NRBP2: variants seen among roughly 807,000 people sequenced by gnomAD.
The protein encoded by NRBP2 is nuclear receptor binding protein 2, also known as nuclear receptor-binding protein 2.
Under a neutral mutation model 74.4 loss-of-function variants are expected in NRBP2, and 47 were observed. That is an observed-to-expected ratio of 0.63 (90% CI 0.50 to 0.81). The LOEUF is 0.81. Among genes scored for constraint, NRBP2 ranks in the 30% least tolerant of loss-of-function variants. NRBP2 has a pLI of 0.00. For missense variants in NRBP2, 613 were observed against 690.1 expected, an observed-to-expected ratio of 0.89 and a Z score of 1.25; for synonymous variants, 312 against 273.8, an observed-to-expected ratio of 1.14 and a Z score of -1.38.
chr8:143,838,828 G>C lies in NRBP2; in HGVS notation c.745-53C>G, dbSNP rs528956431. ...GGGAAGGGACCACACAGGTGAGCCA[G>C]GCAGGGCACAGTTAGGAGGAGGGCA... is the stretch of plus-strand genomic sequence containing the variant. On this transcript the variant is annotated intron_variant, in intron 9 of 17. Coordinates refer to ENST00000442628, the MANE Select transcript of NRBP2 (RefSeq NM_178564.4). The C allele has an allele frequency of 6.8e-6, 11 of 1,611,934 alleles. No individual in the cohort carries two copies. The South Asian group carries it at 1.1e-4, about 16-fold the overall frequency.
At position 143,840,777 on chromosome 8, in the gene NRBP2, CCTCCCG is replaced by C. The variant is rs1244043487; in HGVS notation, c.52_57del (p.Arg18_Glu19del). The C allele has an allele frequency of 7.3e-6, 11 of 1,510,098 alleles. No homozygotes were observed. Among genetic ancestry groups the C allele is most frequent in the Non-Finnish European group, 8.8e-6 (10 of 1,135,354 alleles). 93.5% of individuals were successfully genotyped at this position (1,510,098 alleles called of 1,614,324 possible). The stretch of plus-strand genomic sequence containing the variant: ...ATGTCGCTCTCGTCCTCGCTCTCGT[CCTCCCG>C]CTCCCGCTCCCGTTCCCGGGCCCGC... On this transcript the variant is annotated inframe_deletion, in exon 1 of 18. Transcript: ENST00000442628. This position sits in a 1 kb window ranked among gnomAD's most constrained non-coding sequence, Gnocchi z 5.7.
downstream of NRBP2, among the ~76,000 whole-genome samples, chr8:143,832,129 C>T (rs1177693849): frequency 3.9e-5 from 6 of 152,290 alleles, no homozygotes; most frequent in East Asian, 1.9e-4. Flanking sequence ...CCCCCAACCC[C>T]GTGCTCTCTG....
At position 143,838,922 on chromosome 8, in the gene NRBP2, G is replaced by C. The variant is rs368440322; in HGVS notation, c.705C>G (p.Thr235=). Residue 235 remains threonine (T), a synonymous_variant, in exon 9 of 18, where the codon ACC becomes ACG. Transcript: ENST00000442628. ...TCCCAAAGGAGAAGATGTCCACAGC[G>C]GTCCCATCGGCCACCTCTGAACAGA... is the stretch of plus-strand genomic sequence containing the variant. ...PPEYGEVADG[T]AVDIFSFGMC... 6.2e-7 allele frequency: 1 copy of C among 1,609,724 alleles called. No individual in the cohort carries two copies. The highest frequency in any genetic ancestry group is 8.5e-7 in the Non-Finnish European group (1 of 1,178,090).
downstream of NRBP2, among the ~76,000 whole-genome samples, chr8:143,830,167 C>T (rs1182124747): frequency 6.6e-6 from 1 of 152,254 alleles, no homozygotes; most frequent in African/African-American, 2.4e-5. Flanking sequence ...TCCCCGCCTC[C>T]CTCCTGAAAC....
Position 143,840,578 on chromosome 8 carries a change from G to A in NRBP2, c.129+128C>T. The A allele has an allele frequency of 1.0e-6, 1 of 960,922 alleles. No individual in the cohort carries two copies. The highest frequency in any genetic ancestry group is 1.4e-6 in the Non-Finnish European group (1 of 691,972). 59.5% of individuals were successfully genotyped at this position (960,922 alleles called of 1,614,324 possible). The stretch of plus-strand genomic sequence containing the variant: ...GGGTCCAGGGGTGGCTGATTCGCGG[G>A]CCGCGAGGGGCCGCGGAGAGGTTTC... On this transcript the variant is annotated intron_variant, in intron 1 of 17. Coordinates refer to ENST00000442628, the MANE Select transcript of NRBP2 (RefSeq NM_178564.4). The surrounding 1 kb of genome is among the most constrained non-coding windows in gnomAD (Gnocchi z 5.7).
rs146279016 is a variant in NRBP2 at position 143,837,429 on chromosome 8, G to A, written c.1054C>T (p.Arg352Cys). Residue 352 changes from arginine (R) to cysteine (C), a missense_variant, in exon 12 of 18, where the codon CGC becomes TGC. Arg to Cys is a radical substitution (Grantham distance 180, BLOSUM62 -3). Transcript: ENST00000442628. This position sits in a 1 kb window ranked among gnomAD's most constrained non-coding sequence, Gnocchi z 4.3. ...HAVLAELPRP[R>C]RPPLQWRYSE... ...CACCGCCACTGCAGCGGGGGCCTGC[G>A]GGGCCGGGGAAGCTCCGCCAAGACC... 92 of 1,605,968 alleles carry A rather than the reference G, an allele frequency of 5.7e-5. No individual in the cohort carries two copies. The highest frequency in any genetic ancestry group is 2.7e-4 in the African/African-American group (20 of 74,858).
chr8:143,838,982 G>C (rs1554652701), intron 8 of NRBP2, 35 bp downstream of exon 8: 2 of 1,564,208 alleles, frequency 1.3e-6, no homozygotes, highest in Admixed American at 1.9e-5. Flanking sequence ...GAAGCGCAGG[G>C]TAGGCACGGG....
Position 143,839,722 on chromosome 8 carries a change from C to T in NRBP2, c.444+14G>A. On this transcript the variant is annotated intron_variant, in intron 4 of 17. Transcript: ENST00000442628. The surrounding 1 kb of genome is among the most constrained non-coding windows in gnomAD (Gnocchi z 5.1). ...CGTCCTGTCCCCGTGGCTGCCCCAG[C>T]CCGCTCCCCATACCCGGGCGTTCAT... 6.5e-7 allele frequency: 1 copy of T among 1,535,616 alleles called. No individual in the cohort carries two copies. The highest frequency in any genetic ancestry group is 8.7e-7 in the Non-Finnish European group (1 of 1,146,656).
Position 143,839,006 on chromosome 8 carries a change from G to A in NRBP2, c.688+11C>T, listed in dbSNP as rs1554652714. ...GGTAGGCACGGGGCACCCGGACCCA[G>A]CACCACTCACCTCCATACTCTGGGG... On this transcript the variant is annotated intron_variant, in intron 8 of 17. Coordinates refer to ENST00000442628, the MANE Select transcript of NRBP2 (RefSeq NM_178564.4). This position sits in a 1 kb window ranked among gnomAD's most constrained non-coding sequence, Gnocchi z 5.1. The A allele has an allele frequency of 1.9e-6, 3 of 1,550,796 alleles. No individual in the cohort carries two copies. The highest frequency in any genetic ancestry group is 2.4e-5 in the South Asian group (2 of 84,326).
At position 143,840,094 on chromosome 8, in the gene NRBP2, G is replaced by A. The variant is rs1287200334; in HGVS notation, c.252+13C>T. ...GTCACCCAAGCAGGATGAGGAGGGGGCAGCGGTCTCACCTCGTGCGCCGCG... is the reference window on the plus strand; with the variant it reads ...GTCACCCAAGCAGGATGAGGAGGGGACAGCGGTCTCACCTCGTGCGCCGCG... On this transcript the variant is annotated intron_variant, in intron 2 of 17. Transcript: ENST00000442628. The surrounding 1 kb of genome is among the most constrained non-coding windows in gnomAD (Gnocchi z 5.7). 2.6e-6 allele frequency: 4 copies of A among 1,536,136 alleles called. No individual in the cohort carries two copies. The highest frequency in any genetic ancestry group is 2.7e-5 in the African/African-American group (2 of 73,148).
rs942095629 is a variant in NRBP2 at position 143,839,315 on chromosome 8, G to A, written c.579C>T (p.Ser193=). 9.5e-5 allele frequency: 101 copies of A among 1,064,592 alleles called. No individual in the cohort carries two copies. Among genetic ancestry groups the A allele is most frequent in the Non-Finnish European group, 1.2e-4 (95 of 765,366 alleles). The allele number at this position is 1,064,592 out of a possible 1,614,324, so 65.9% of individuals were successfully genotyped here. Residue 193 remains serine, a splice_region_variant and synonymous_variant, in exon 6 of 18, where the codon TCC becomes TCT. Coordinates refer to ENST00000442628, the MANE Select transcript of NRBP2 (RefSeq NM_178564.4). The surrounding 1 kb of genome is among the most constrained non-coding windows in gnomAD (Gnocchi z 5.1). ...CACCCAGCCCTGCCCCGCCAGCACC[G>A]GAGCCGATCTTGATGAGGCCGTTGT... The part of the protein sequence containing the change: ...IQHNGLIKIG[S]VWHRIFSNAL...
At chr8:143,836,626 T>A (rs1332611646) in intron 14 of NRBP2, among the ~76,000 whole-genome samples, 1 of 140,840 alleles carries the variant, frequency 7.1e-6, no homozygotes, top group Non-Finnish European at 1.5e-5. Context: ...GAGGGGGTGC[T>A]GCAGGAAAAG....
intron 14 of NRBP2, 145 bp downstream of exon 14, chr8:143,836,890 CACAA>C: frequency 2.2e-6 from 2 of 905,308 alleles, no homozygotes; most frequent in Non-Finnish European, 3.4e-6. Context: ...CCATGACCCC[CACAA>C]GGGGGTCAGC....
At chr8:143,831,631 C>T (rs547351687), downstream of NRBP2, among the ~76,000 whole-genome samples, 8 of 152,202 alleles carry the variant, frequency 5.3e-5, no homozygotes, top group Admixed American at 4.6e-4. Flanking sequence ...AAAAAAACAA[C>T]AAAAACTCAA....
intron 10 of NRBP2, among the ~76,000 whole-genome samples, chr8:143,838,239 A>G (rs1244383087): frequency 6.6e-6 from 1 of 152,124 alleles, no homozygotes; most frequent in African/African-American, 2.4e-5. Context: ...CTTCCATCCC[A>G]TACCTCTTTT....
At chr8:143,832,349 T>TC (rs1430794680), downstream of NRBP2, among the ~76,000 whole-genome samples, 1 of 151,774 alleles carries the variant, frequency 6.6e-6, no homozygotes, top group Non-Finnish European at 1.5e-5. Flanking sequence ...CATGTGATAG[T>TC]CTGAAATATG....
Position 143,840,263 on chromosome 8 carries a change from T to C in NRBP2, c.130-34A>G. 2 of 1,535,138 alleles carry C rather than the reference T, an allele frequency of 1.3e-6. No homozygotes were observed. Among genetic ancestry groups the C allele is most frequent in the South Asian group, 2.4e-5 (2 of 83,926 alleles). On this transcript the variant is annotated intron_variant, in intron 1 of 17. Coordinates refer to ENST00000442628, the MANE Select transcript of NRBP2 (RefSeq NM_178564.4). The surrounding 1 kb of genome is among the most constrained non-coding windows in gnomAD (Gnocchi z 5.7). Reference sequence around the variant, plus strand: ...GAATAAAGGGTTATGTGTGCCCTGGTGTGTGTCAGGGTTGTGGGTGAGGAT... The same window carrying C: ...GAATAAAGGGTTATGTGTGCCCTGGCGTGTGTCAGGGTTGTGGGTGAGGAT...
At chr8:143,832,880 T>C (rs1391570740), downstream of NRBP2, among the ~76,000 whole-genome samples, 1 of 152,222 alleles carries the variant, frequency 6.6e-6, no homozygotes, top group East Asian at 1.9e-4. Flanking sequence ...TTTGTCTCTG[T>C]GTCTTTTTCT....
intron 10 of NRBP2, chr8:143,838,072 C>T (rs368024498): frequency 8.9e-5 from 54 of 604,022 alleles, no homozygotes; most frequent in Non-Finnish European, 1.4e-4. Context: ...CGGCTCAGCT[C>T]GGGCCCAACA....
Sources: gnomAD v4.1 joint callset for allele counts (sites outside exome capture counted in the v4.1 genomes callset) on GRCh38, gnomAD v4.1.1 for gene constraint, Gnocchi (gnomAD v3.1) non-coding constraint, MANE v1.5 for transcripts, NCBI Gene and HGNC (gene_info 2026-07-23, HGNC 2026-07-21) for gene names.